Variants in APAF1 observed in about 807,000 individuals in gnomAD.
APAF1 encodes apoptotic protease-activating factor 1.
APAF1 carries 91 observed loss-of-function variants against 152.4 expected under a neutral mutation model. The observed-to-expected ratio is 0.60, with a 90% CI of 0.50 to 0.71. APAF1 has a LOEUF of 0.71. Among genes scored for constraint, APAF1 ranks in the 30% least tolerant of loss-of-function variants. The pLI, the probability that APAF1 is intolerant of heterozygous loss-of-function variation, is 0.00. For missense variants in APAF1, 1,283 were observed against 1,472.0 expected (o/e 0.87, Z 2.10); for synonymous variants, 484 against 494.1 (o/e 0.98, Z 0.27).
chr12:98,708,517 T>G (rs921895423), intron 19 of APAF1, 68 bp from the exon 20 acceptor site: 22 of 1,510,678 alleles, frequency 1.5e-5, no homozygotes, highest in Non-Finnish European at 1.8e-5. Context: ...ACATAGTTTG[T>G]CTCTCGCTTT....
rs2097766203 is a variant in APAF1 at position 98,734,409 on chromosome 12, AAATTAAT to A, written c.*1845_*1851del. ...ATATATTATTAAGGGCAATGGAGAT[AAATTAAT>A]AGTAGATGTGGTTCCCAGAAAATAT... On this transcript the variant is annotated 3_prime_UTR_variant, in exon 27 of 27. Coordinates refer to ENST00000551964, the MANE Select transcript of APAF1 (RefSeq NM_181861.2). 1 of 152,262 alleles carries A rather than the reference AAATTAAT, an allele frequency of 6.6e-6. No homozygotes were observed. Among genetic ancestry groups the A allele is most frequent in the South Asian group, 2.1e-4 (1 of 4,834 alleles). 9.4% of individuals were successfully genotyped at this position (152,262 alleles called of 1,614,324 possible). A position where few individuals can be genotyped will look rare whatever the true frequency, so the allele number is the denominator to read the frequency against.
At chr12:98,728,873 G>T (rs970138529) in intron 26 of APAF1, among the ~76,000 whole-genome samples, 1 of 152,138 alleles carries the variant, frequency 6.6e-6, no homozygotes, top group African/African-American at 2.4e-5. Context: ...AATGTGTTGT[G>T]GTGCTTCAGG....
intron 12 of APAF1, among the ~76,000 whole-genome samples, chr12:98,676,337 G>A (rs2097686470): frequency 1.3e-5 from 2 of 151,774 alleles, no homozygotes; most frequent in Non-Finnish European, 2.9e-5. Flanking sequence ...AGCCTCCCGA[G>A]TAGCTAGGAT....
At chr12:98,708,808 C>A in intron 20 of APAF1, 104 bp downstream of exon 20, 1 of 1,142,576 alleles carries the variant, frequency 8.8e-7, no homozygotes, top group South Asian at 1.4e-5. Context: ...TATTTTGTAT[C>A]TAACAGGTGT....
At chr12:98,714,891 T>A (rs2097732259) in intron 21 of APAF1, among the ~76,000 whole-genome samples, 1 of 151,424 alleles carries the variant, frequency 6.6e-6, no homozygotes, top group Non-Finnish European at 1.5e-5. Flanking sequence ...TGTTACTACT[T>A]TTATTTAGAG....
chr12:98,724,913 G>C (rs2097748244), intron 24 of APAF1, among the ~76,000 whole-genome samples: 1 of 152,166 alleles, frequency 6.6e-6, no homozygotes, highest in African/African-American at 2.4e-5. Flanking sequence ...AATAGCATTT[G>C]GCTGCCAAGA....
At chr12:98,724,479 T>C (rs771307259) in intron 24 of APAF1, among the ~76,000 whole-genome samples, 3 of 152,228 alleles carry the variant, frequency 2.0e-5, no homozygotes, top group Non-Finnish European at 4.4e-5. Context: ...TTCTGCTATA[T>C]TGTTTCCTCT....
At chr12:98,695,269 T>G (rs970898316) in intron 16 of APAF1, among the ~76,000 whole-genome samples, 36 of 152,068 alleles carry the variant, frequency 2.4e-4, no homozygotes, top group Non-Finnish European at 7.4e-5. Flanking sequence ...GCCAGGCTGG[T>G]CTTGAACTTC....
intron 4 of APAF1, among the ~76,000 whole-genome samples, chr12:98,655,537 A>G (rs2097656162): frequency 1.3e-5 from 2 of 152,138 alleles, no homozygotes; most frequent in African/African-American, 4.8e-5. Context: ...GGGCGGCCGT[A>G]GTATTTTCAT....
intron 20 of APAF1, 107 bp downstream of exon 20, chr12:98,708,811 A>C (rs554409740): frequency 1.8e-5 from 20 of 1,112,778 alleles, no homozygotes; most frequent in Middle Eastern, 2.8e-4. Context: ...TTTGTATCTA[A>C]CAGGTGTCCA....
chr12:98,687,376 A>G (rs2097699129), intron 16 of APAF1, among the ~76,000 whole-genome samples: 1 of 151,938 alleles, frequency 6.6e-6, no homozygotes, highest in South Asian at 2.1e-4. Flanking sequence ...AAAAAAAAAA[A>G]AGTTCTGTAA....
chr12:98,712,436 G>A lies in APAF1; in HGVS notation c.2958+1G>A. ...TGGAGATGAAAATGGAGCCATTGAG[G>A]TATTCAGTGCTAGTCTTCAGAATCT... On this transcript the variant is annotated splice_donor_variant, in intron 21 of 26. Coordinates refer to ENST00000551964, the MANE Select transcript of APAF1 (RefSeq NM_181861.2). LOFTEE classifies it high-confidence loss of function. The A allele has an allele frequency of 6.6e-7, 1 of 1,508,190 alleles. No individual in the cohort carries two copies. The highest frequency in any genetic ancestry group is 9.2e-7 in the Non-Finnish European group (1 of 1,083,630). 93.4% of individuals were successfully genotyped at this position (1,508,190 alleles called of 1,614,324 possible).
At chr12:98,727,133 GGAT>G in intron 25 of APAF1, 37 bp from the exon 26 acceptor site, 2 of 1,604,748 alleles carry the variant, frequency 1.2e-6, no homozygotes, top group Non-Finnish European at 1.7e-6. Context: ...AGAAGCTTCT[GGAT>G]AACTCTGTTA....
At chr12:98,668,049 G>A (rs1168272175) in intron 10 of APAF1, among the ~76,000 whole-genome samples, 4 of 152,086 alleles carry the variant, frequency 2.6e-5, no homozygotes, top group African/African-American at 9.7e-5. Context: ...CTCCCAAAGT[G>A]TTAGGAGTAC....
At position 98,693,898 on chromosome 12, in the gene APAF1, T is replaced by G. The variant is rs566284705; in HGVS notation, c.2305-5510T>G. 8.0e-4 allele frequency among the ~76,000 whole-genome samples: 122 copies of G among 152,026 alleles called. 5 individuals are homozygous for G. In the South Asian group the frequency reaches 0.024, roughly 30 times the overall value. Reference sequence around the variant, plus strand: ...ATCTATGGGAAGTAAATTTTTAAGGTGTCTTTATTATAATGTCTAAAGATG... The same window carrying G: ...ATCTATGGGAAGTAAATTTTTAAGGGGTCTTTATTATAATGTCTAAAGATG... On this transcript the variant is annotated intron_variant, in intron 16 of 26. Transcript: ENST00000551964.
chr12:98,728,922 A>T (rs904109734), intron 26 of APAF1, among the ~76,000 whole-genome samples: 3 of 152,076 alleles, frequency 2.0e-5, no homozygotes, highest in Admixed American at 6.6e-5. Context: ...TCTTTTATCT[A>T]TCCACTCAAA....
chr12:98,693,396 CT>C (rs2097706435), intron 16 of APAF1, among the ~76,000 whole-genome samples: 1 of 152,138 alleles, frequency 6.6e-6, no homozygotes, highest in South Asian at 2.1e-4. Flanking sequence ...GCCTGGCTAA[CT>C]GATTTTTGTA....
At chr12:98,659,487 C>T (rs2097662041) in intron 5 of APAF1, 144 bp downstream of exon 5, 2 of 914,774 alleles carry the variant, frequency 2.2e-6, no homozygotes, top group South Asian at 2.8e-5. Flanking sequence ...TGCAGTGGCT[C>T]ACGCCTGTAA....
Position 98,680,347 on chromosome 12 carries a change from C to T in APAF1, c.1991C>T (p.Ala664Val). 6.2e-7 allele frequency: 1 copy of T among 1,613,690 alleles called. No individual in the cohort carries two copies. The highest frequency in any genetic ancestry group is 8.5e-7 in the Non-Finnish European group (1 of 1,179,860). ...KAHEDEVLCC[A>V]FSTDDRFIAT... Reference sequence around the variant, plus strand: ...CATGAGGATGAAGTGCTTTGTTGTGCATTCTCTACAGATGACAGATTTATA... The same window carrying T: ...CATGAGGATGAAGTGCTTTGTTGTGTATTCTCTACAGATGACAGATTTATA... The change falls in exon 14 of 27, where the codon GCA (alanine) becomes GTA (valine). Residue 664 changes from alanine to valine, a missense_variant. Physicochemically the swap from Ala to Val is moderately conservative, Grantham distance 64. Coordinates refer to ENST00000551964, the MANE Select transcript of APAF1 (RefSeq NM_181861.2).
Sources: allele counts gnomAD v4.1 joint callset (sites outside exome capture counted in the v4.1 genomes callset), GRCh38; gene constraint gnomAD v4.1.1; transcripts MANE v1.5; gene names NCBI Gene and HGNC (gene_info 2026-07-23, HGNC 2026-07-21).